Variants in RPP40 observed in about 807,000 individuals in gnomAD.
RPP40 encodes the protein ribonuclease P protein subunit p40.
RPP40 carries 30 observed loss-of-function variants against 42.5 expected under a neutral mutation model. The observed-to-expected ratio is 0.71, with a 90% CI of 0.53 to 0.96. The LOEUF (loss-of-function observed/expected upper bound fraction) is 0.96. RPP40 is among the 40% of genes least tolerant of loss of function. The pLI is 0.00. For synonymous variants in RPP40, 173 were observed against 164.0 expected (o/e 1.05, Z -0.42); for missense variants, 426 against 433.5 (o/e 0.98, Z 0.15).
At chr6:4,996,881 G>A (rs1214138231) in intron 5 of RPP40, among the ~76,000 whole-genome samples, 6 of 152,316 alleles carry the variant, frequency 3.9e-5, no homozygotes, top group Middle Eastern at 3.4e-3. Context: ...TTTCAGGGAT[G>A]TTTGTGTAGC....
In RPP40 at chr6:4,996,271, C is replaced by T. The variant is rs1759378393; in HGVS notation, c.709G>A (p.Ala237Thr). ...LEGTPEVSCRALELFDWLGAV... is the reference protein window; with the variant it reads ...LEGTPEVSCRTLELFDWLGAV... ...CCGAGCCAGTCGAAGAGCTCCAGAG[C>T]CCGGCAGGACACCTCTGGCGTTCCC... The change falls in exon 6 of 8, where the codon GCT (alanine) becomes ACT (threonine). Residue 237 changes from alanine to threonine, a missense_variant. Physicochemically the swap from Ala to Thr is moderately conservative, Grantham distance 58 (BLOSUM62 0). Coordinates refer to ENST00000380051, the MANE Select transcript of RPP40 (RefSeq NM_006638.4). 1.9e-6 allele frequency: 3 copies of T among 1,613,946 alleles called. No individual in the cohort carries two copies. Among genetic ancestry groups the T allele is most frequent in the Non-Finnish European group, 2.5e-6 (3 of 1,180,034 alleles).
chr6:5,003,821 A>G, intron 1 of RPP40, 59 bp downstream of exon 1: 2 of 1,562,118 alleles, frequency 1.3e-6, no homozygotes, highest in Non-Finnish European at 1.7e-6. Context: ...CTCTCCCCAA[A>G]CCTCTCTCGC....
At chr6:4,993,078 CTT>C (rs1397066668), downstream of RPP40, among the ~76,000 whole-genome samples, 2 of 152,160 alleles carry the variant, frequency 1.3e-5, no homozygotes, top group Admixed American at 6.5e-5. Flanking sequence ...AAATAACTGT[CTT>C]TTAAAGAGGT....
downstream of RPP40, among the ~76,000 whole-genome samples, chr6:4,991,988 G>C (rs1231329253): frequency 6.6e-6 from 1 of 152,002 alleles, no homozygotes; most frequent in South Asian, 2.1e-4. Context: ...TTTTCCTGAG[G>C]CCTCCCCAGA....
chr6:4,993,250 G>C (rs1759285155), downstream of RPP40, among the ~76,000 whole-genome samples: 2 of 152,148 alleles, frequency 1.3e-5, no homozygotes, highest in Non-Finnish European at 2.9e-5. Context: ...AATTTGAAAA[G>C]ATCTTAATTT....
downstream of RPP40, among the ~76,000 whole-genome samples, chr6:4,991,182 GCTTA>G (rs1474083799): frequency 1.3e-5 from 2 of 151,504 alleles, no homozygotes. Context: ...CTTTTCTTCT[GCTTA>G]CTTTGAGTTT....
downstream of RPP40, among the ~76,000 whole-genome samples, chr6:4,990,545 G>A (rs938100716): frequency 2.6e-5 from 4 of 151,988 alleles, no homozygotes; most frequent in African/African-American, 9.7e-5. Context: ...GTGCAGTGGT[G>A]TGATCATTGC....
At chr6:4,991,919 C>T (rs1329015805), downstream of RPP40, among the ~76,000 whole-genome samples, 4 of 152,108 alleles carry the variant, frequency 2.6e-5, no homozygotes, top group Admixed American at 1.3e-4. Context: ...TGTGGTACCT[C>T]CCACACCCCT....
In RPP40 at chr6:4,997,444, G is replaced by C. The variant is rs183300072; in HGVS notation, c.560-1024C>G. ...AGGTTCTCTAGCCTTTGGACTCTGG[G>C]GCTTGCACCAGCAGATCCACAGGTT... is the stretch of plus-strand genomic sequence containing the variant. On this transcript the variant is annotated intron_variant, in intron 5 of 7. Coordinates refer to ENST00000380051, the MANE Select transcript of RPP40 (RefSeq NM_006638.4). 1.1e-3 allele frequency among the ~76,000 whole-genome samples: 170 copies of C among 152,318 alleles called. 1 individual carries two copies. Among genetic ancestry groups the C allele is most frequent in the Non-Finnish European group, 2.1e-3 (143 of 68,028 alleles).
Position 4,996,059 on chromosome 6 carries a change from G to A in RPP40, c.785C>T (p.Ser262Leu). 6.2e-7 allele frequency: 1 copy of A among 1,613,918 alleles called. No homozygotes were observed. Among genetic ancestry groups the A allele is most frequent in the Non-Finnish European group, 8.5e-7 (1 of 1,179,886 alleles). ...DLNNEPNNFISTYCCPEPSTV... is the reference protein window; with the variant it reads ...DLNNEPNNFILTYCCPEPSTV... ...GCTTGGCTCAGGACAGCAATAGGTT[G>A]ATATGAAATTATTAGGCTCATTATT... The change falls in exon 7 of 8, where the codon TCA (serine) becomes TTA (leucine). Residue 262 changes from serine (S) to leucine (L), a missense_variant. Coordinates refer to ENST00000380051, the MANE Select transcript of RPP40 (RefSeq NM_006638.4).
chr6:4,995,994 A>T lies in RPP40; in HGVS notation c.850T>A (p.Phe284Ile). The T allele has an allele frequency of 6.2e-7, 1 of 1,614,128 alleles. No individual in the cohort carries two copies. The highest frequency in any genetic ancestry group is 1.1e-5 in the South Asian group (1 of 91,080). Residue 284 changes from phenylalanine to isoleucine, a missense_variant, in exon 7 of 8, where the codon TTC becomes ATC. Physicochemically the swap from Phe to Ile is conservative, Grantham distance 21. Coordinates refer to ENST00000380051, the MANE Select transcript of RPP40 (RefSeq NM_006638.4). ...AKAYLCTITG[F>I]ILPEKICLLL... The stretch of plus-strand genomic sequence containing the variant: ...AGACAGATCTTCTCTGGAAGTATGA[A>T]GCCAGTGATTGTACACAAATAAGCT...
intron 4 of RPP40, 116 bp downstream of exon 4, chr6:4,999,693 A>G: frequency 1.6e-6 from 1 of 642,982 alleles, no homozygotes. Context: ...GAAGTTTGAC[A>G]GATTTTTTTT....
chr6:4,989,773 T>C (rs1759239278), downstream of RPP40, among the ~76,000 whole-genome samples: 1 of 152,276 alleles, frequency 6.6e-6, no homozygotes, highest in Non-Finnish European at 1.5e-5. Context: ...CAACTGATTT[T>C]TGTACACTAC....
downstream of RPP40, among the ~76,000 whole-genome samples, chr6:4,989,760 A>C (rs780103277): frequency 1.3e-5 from 2 of 152,244 alleles, no homozygotes; most frequent in Non-Finnish European, 2.9e-5. Flanking sequence ...TTGCTACCAT[A>C]TACAACTGAT....
intron 5 of RPP40, among the ~76,000 whole-genome samples, chr6:4,997,507 T>C (rs1315140312): frequency 6.6e-6 from 1 of 152,228 alleles, no homozygotes; most frequent in East Asian, 1.9e-4. Context: ...TATACCATCT[T>C]CTTTCCTGAT....
At position 4,995,031 on chromosome 6, in the gene RPP40, GA is replaced by G. The variant is rs775461300; in HGVS notation, c.*46del. ...CAGACCTTTTACCATTAAGAAATCT[GA>G]AAGCAAGCGTAAATGTAAGTAAACA... On this transcript the variant is annotated 3_prime_UTR_variant, in exon 8 of 8. Transcript: ENST00000380051. 4.0e-6 allele frequency: 6 copies of G among 1,496,904 alleles called. No individual in the cohort carries two copies. In the East Asian group the frequency reaches 1.1e-4, roughly 28 times the overall value. The allele number at this position is 1,496,904 out of a possible 1,614,324, so 92.7% of individuals were successfully genotyped here.
intron 7 of RPP40, 130 bp downstream of exon 7, chr6:4,995,821 T>C (rs1421981774): frequency 1.0e-5 from 8 of 768,120 alleles, no homozygotes; most frequent in Non-Finnish European, 1.7e-5. Flanking sequence ...GTCTTTGCAA[T>C]AGGCGATTTG....
chr6:5,003,770 C>T (rs1759662654), intron 1 of RPP40, 110 bp downstream of exon 1: 1 of 1,397,344 alleles, frequency 7.2e-7, no homozygotes, highest in Non-Finnish European at 9.5e-7. Flanking sequence ...GGCCCCGCCC[C>T]TCCGCGTACC....
At chr6:5,001,902 A>G (rs755119058) in intron 2 of RPP40, 199 bp downstream of exon 2, 5 of 522,232 alleles carry the variant, frequency 9.6e-6, no homozygotes, top group Non-Finnish European at 1.7e-5. Context: ...CTTGTGGCCA[A>G]TTGCAATCAG....
Sources: allele counts gnomAD v4.1 joint callset (sites outside exome capture counted in the v4.1 genomes callset), GRCh38; gene constraint gnomAD v4.1.1; transcripts MANE v1.5; gene names NCBI Gene and HGNC (gene_info 2026-07-23, HGNC 2026-07-21).